CCSER1: variants seen among roughly 807,000 people sequenced by gnomAD.
The protein encoded by CCSER1 is coiled-coil serine rich protein 1.
CCSER1 carries 41 observed loss-of-function variants against 82.0 expected under a neutral mutation model. The observed-to-expected ratio is 0.50, with a 90% CI of 0.39 to 0.65. The LOEUF (loss-of-function observed/expected upper bound fraction) is 0.65, where lower values mean the gene tolerates loss of function less well. Ranked by LOEUF, CCSER1 falls within the 30% of genes least tolerant of loss-of-function variation. The pLI, the probability that CCSER1 is intolerant of heterozygous loss-of-function variation, is 0.00. For synonymous variants in CCSER1, 414 were observed against 383.9 expected, an observed-to-expected ratio of 1.08 and a Z score of -0.92; for missense variants, 1,119 against 1,064.2, an observed-to-expected ratio of 1.05 and a Z score of -0.72.
chr4:90,168,492 T>C (rs1401708441), intron 1 of CCSER1, among the ~76,000 whole-genome samples: 6 of 152,214 alleles, frequency 3.9e-5, no homozygotes, highest in Non-Finnish European at 8.8e-5. Flanking sequence ...AGATCCCATT[T>C]GTCCATTTTA....
rs1277576675 is a variant in CCSER1 at position 90,683,246 on chromosome 4, TAGAG to T, written c.1933-40664_1933-40661del. On this transcript the variant is annotated intron_variant, in intron 6 of 10. Coordinates refer to ENST00000509176, the MANE Select transcript of CCSER1 (RefSeq NM_001145065.2). ...AATCTTACTGTATTGACTTTAGACA[TAGAG>T]AGAATCTTAAAGTGCTTCTATGAAA... is the stretch of plus-strand genomic sequence containing the variant. 10 of 152,224 alleles carry T rather than the reference TAGAG, an allele frequency of 6.6e-5. No homozygotes were observed. The East Asian group carries it at 7.7e-4, about 12-fold the overall frequency. 9.4% of individuals were successfully genotyped at this position (152,224 alleles called of 1,614,324 possible). A position where few individuals can be genotyped will look rare whatever the true frequency, so the allele number is the denominator to read the frequency against.
rs559481332 is a variant in CCSER1 at position 90,615,333 on chromosome 4, C to T, written c.1725-12692C>T. ...CAAGTCTTCATATTTAAGAAATACA[C>T]GTTGTAAGGCTAGAGTTGCCAGAGA... On this transcript the variant is annotated intron_variant, in intron 5 of 10. Coordinates refer to ENST00000509176, the MANE Select transcript of CCSER1 (RefSeq NM_001145065.2). Among the ~76,000 whole-genome samples, 5 of 152,204 alleles carry T rather than the reference C, an allele frequency of 3.3e-5. No homozygotes were observed. In the South Asian group the frequency reaches 6.2e-4, roughly 19 times the overall value.
intron 6 of CCSER1, among the ~76,000 whole-genome samples, chr4:90,647,530 T>C (rs984595902): frequency 1.3e-5 from 2 of 152,134 alleles, no homozygotes; most frequent in African/African-American, 4.8e-5. Flanking sequence ...ATAGCTTTTC[T>C]CCCCAAAAGC....
At chr4:90,953,476 ATTAT>A (rs575838145) in intron 9 of CCSER1, among the ~76,000 whole-genome samples, 51 of 151,744 alleles carry the variant, frequency 3.4e-4, no homozygotes, top group South Asian at 2.7e-3. Flanking sequence ...AATTAGATAA[ATTAT>A]TTATCCTAGA....
chr4:90,648,690 G>A (rs957772378), intron 6 of CCSER1, among the ~76,000 whole-genome samples: 1 of 152,200 alleles, frequency 6.6e-6, no homozygotes, highest in Non-Finnish European at 1.5e-5. Flanking sequence ...AGAAGCTGTA[G>A]GAGAAACCAA....
chr4:91,101,046 G>A (rs148334900), intron 10 of CCSER1, among the ~76,000 whole-genome samples: 64 of 152,308 alleles, frequency 4.2e-4, no homozygotes, highest in African/African-American at 1.5e-3. Context: ...AAAAAAGAGA[G>A]AAAGGAAGGG....
At chr4:91,431,733 CTGGAATTACAGGCA>C (rs1754338700) in intron 10 of CCSER1, among the ~76,000 whole-genome samples, 2 of 152,208 alleles carry the variant, frequency 1.3e-5, no homozygotes, top group African/African-American at 4.8e-5. Flanking sequence ...TCCCAAAGTG[CTGGAATTACAGGCA>C]TGAGTCACCA....
intron 8 of CCSER1, chr4:90,838,773 A>C: frequency 6.5e-6 from 8 of 1,228,832 alleles, no homozygotes; most frequent in Non-Finnish European, 9.5e-6. Flanking sequence ...CTTTGATGTG[A>C]AAGGGGCAGC....
intron 6 of CCSER1, among the ~76,000 whole-genome samples, chr4:90,708,822 A>G (rs1176866035): frequency 6.6e-6 from 1 of 152,192 alleles, no homozygotes; most frequent in Admixed American, 6.6e-5. Context: ...GGTAAATCAC[A>G]ACCTATTAAA....
At chr4:90,774,045 G>A (rs1056849133) in intron 7 of CCSER1, among the ~76,000 whole-genome samples, 2 of 152,224 alleles carry the variant, frequency 1.3e-5, no homozygotes, top group South Asian at 2.1e-4. Context: ...TGCCTTGGGA[G>A]TGAGATATAA....
In CCSER1 at chr4:91,598,575, A is replaced by G. The variant is rs1420036172; in HGVS notation, c.2221A>G (p.Thr741Ala). 1 of 1,548,028 alleles carries G rather than the reference A, an allele frequency of 6.5e-7. No homozygotes were observed. The highest frequency in any genetic ancestry group is 1.2e-5 in the South Asian group (1 of 83,996). ...LETVQGGREA[T>A]YRNRIVSQNL... ...TTCTTTCTGTGTCTTACCATAGGCT[A>G]CATATCGAAATCGAATTGTGAGCCA... Residue 741 changes from threonine to alanine, a missense_variant, in exon 11 of 11, where the codon ACA (threonine) becomes GCA (alanine). Physicochemically the swap from Thr to Ala is moderately conservative, Grantham distance 58. Transcript: ENST00000509176.
intron 6 of CCSER1, among the ~76,000 whole-genome samples, chr4:90,692,879 A>T (rs1736269571): frequency 6.6e-6 from 1 of 151,984 alleles, no homozygotes; most frequent in South Asian, 2.1e-4. Flanking sequence ...GATATAATAG[A>T]TGGGCTTTTG....
chr4:90,626,171 G>T (rs565908907), intron 5 of CCSER1, among the ~76,000 whole-genome samples: 1 of 152,216 alleles, frequency 6.6e-6, no homozygotes, highest in South Asian at 2.1e-4. Context: ...AGTTGTATGC[G>T]TCGATGATTA....
chr4:91,491,142 A>C (rs1758519731), intron 10 of CCSER1, among the ~76,000 whole-genome samples: 1 of 151,308 alleles, frequency 6.6e-6, no homozygotes, highest in African/African-American at 2.4e-5. Flanking sequence ...TTGAGTGTAT[A>C]TATCTAGACA....
At chr4:90,666,269 C>A (rs997617562) in intron 6 of CCSER1, among the ~76,000 whole-genome samples, 3 of 152,106 alleles carry the variant, frequency 2.0e-5, no homozygotes, top group Non-Finnish European at 4.4e-5. Flanking sequence ...ATTTGAATTA[C>A]TAATTTAAAT....
At chr4:91,445,803 GCA>G (rs1262943180) in intron 10 of CCSER1, among the ~76,000 whole-genome samples, 1 of 151,864 alleles carries the variant, frequency 6.6e-6, no homozygotes, top group African/African-American at 2.4e-5. Flanking sequence ...GAAGAATAAA[GCA>G]CAGTGATGTC....
chr4:90,378,521 T>G (rs1748714530), intron 3 of CCSER1, among the ~76,000 whole-genome samples: 1 of 152,190 alleles, frequency 6.6e-6, no homozygotes. Context: ...GATTTCTAAT[T>G]GCATTGTGAA....
chr4:90,142,879 G>A (rs540656568), intron 1 of CCSER1, among the ~76,000 whole-genome samples: 2 of 152,106 alleles, frequency 1.3e-5, no homozygotes, highest in Admixed American at 1.3e-4. Flanking sequence ...AAATGTTTCT[G>A]CTACAGTTCT....
At chr4:90,994,503 A>T (rs923545953) in intron 9 of CCSER1, among the ~76,000 whole-genome samples, 6 of 152,136 alleles carry the variant, frequency 3.9e-5, no homozygotes, top group African/African-American at 1.4e-4. Flanking sequence ...GTAAAAAAAA[A>T]AATCATAAGT....
Sources: allele counts gnomAD v4.1 joint callset (sites outside exome capture counted in the v4.1 genomes callset), GRCh38; gene constraint gnomAD v4.1.1; transcripts MANE v1.5; gene names NCBI Gene and HGNC (gene_info 2026-07-23, HGNC 2026-07-21).